NR4A3: variants seen among roughly 807,000 people sequenced by gnomAD.
The protein encoded by NR4A3 is chondrosarcoma, extraskeletal myxoid, fused to EWS.
In NR4A3, 13 loss-of-function variants were observed where a neutral mutation model predicts 55.6. The ratio of observed to expected loss-of-function variants is 0.23; its 90% confidence interval spans 0.15 to 0.37. The LOEUF (loss-of-function observed/expected upper bound fraction) is 0.37, where lower values mean the gene tolerates loss of function less well. NR4A3 is among the 10% of genes least tolerant of loss of function. The pLI is 1.00. For synonymous variants in NR4A3, 342 were observed against 357.9 expected (o/e 0.96, Z 0.50); for missense variants, 646 against 822.8 (o/e 0.79, Z 2.63).
rs752048561 is a variant in NR4A3, at chr9:99,866,449, G to C, written c.*2582G>C. On this transcript the variant is annotated 3_prime_UTR_variant, in exon 8 of 8. Coordinates refer to ENST00000395097, the MANE Select transcript of NR4A3 (RefSeq NM_006981.4). The stretch of plus-strand genomic sequence containing the variant: ...TGGAAGGAATGAAGAAGCTTTTTTA[G>C]TAATAGGTCCAGATATGAGTGCTAA... 19 of 226,272 alleles carry C rather than the reference G, an allele frequency of 8.4e-5. No homozygotes were observed. The highest frequency in any genetic ancestry group is 4.6e-4 in the Admixed American group (8 of 17,566). The allele number at this position is 226,272 out of a possible 1,614,324, so 14.0% of individuals were successfully genotyped here.
chr9:99,833,901 A>T (rs1827500078), intron 5 of NR4A3: 2 of 1,221,598 alleles, frequency 1.6e-6, no homozygotes, highest in Non-Finnish European at 2.1e-6. Flanking sequence ...CAGAGGGATT[A>T]GACCATTGGT....
chr9:99,838,293 C>T (rs1827595047), intron 5 of NR4A3, among the ~76,000 whole-genome samples: 1 of 152,144 alleles, frequency 6.6e-6, no homozygotes, highest in African/African-American at 2.4e-5. Flanking sequence ...TGCCACTTAA[C>T]GGAGTAACAG....
chr9:99,865,890 C>A lies in NR4A3; in HGVS notation c.*2023C>A, dbSNP rs1828089096. ...TTTGAAATGTTAGACTTGGAAGGGG[C>A]CTGGTCTGTCAACTAGTCCAACCCC... On this transcript the variant is annotated 3_prime_UTR_variant, in exon 8 of 8. Coordinates refer to ENST00000395097, the MANE Select transcript of NR4A3 (RefSeq NM_006981.4). This position sits in a 1 kb window ranked among gnomAD's most constrained non-coding sequence, Gnocchi z 4.3. The A allele has an allele frequency of 4.6e-6, 1 of 217,156 alleles. No individual in the cohort carries two copies. 13.5% of individuals were successfully genotyped at this position (217,156 alleles called of 1,614,324 possible).
At chr9:99,862,774 C>G (rs999004461) in intron 7 of NR4A3, among the ~76,000 whole-genome samples, 3 of 152,002 alleles carry the variant, frequency 2.0e-5, no homozygotes, top group Non-Finnish European at 2.9e-5. Flanking sequence ...TAAGATAGAT[C>G]ATAGTATTTA....
intron 1 of NR4A3, among the ~76,000 whole-genome samples, chr9:99,824,338 A>AGGGAATGCGGGAC (rs1391705522): frequency 6.6e-6 from 1 of 152,172 alleles, no homozygotes; most frequent in Non-Finnish European, 1.5e-5. Context: ...AAAGGCCCTC[A>AGGGAATGCGGGAC]GGGAATGCGG....
At chr9:99,848,741 A>C (rs558799204) in intron 7 of NR4A3, among the ~76,000 whole-genome samples, 8 of 152,352 alleles carry the variant, frequency 5.3e-5, no homozygotes, top group African/African-American at 1.7e-4. Context: ...GAGATAAAGG[A>C]TCCCAAGGTG....
At chr9:99,857,244 T>C (rs1264592172) in intron 7 of NR4A3, among the ~76,000 whole-genome samples, 2 of 152,096 alleles carry the variant, frequency 1.3e-5, no homozygotes. Flanking sequence ...ATAAGAGTGA[T>C]GTGAAAGGCT....
intron 5 of NR4A3, among the ~76,000 whole-genome samples, chr9:99,836,356 T>C (rs1827560396): frequency 6.6e-6 from 1 of 152,200 alleles, no homozygotes; most frequent in South Asian, 2.1e-4. Flanking sequence ...ACACTCAAAA[T>C]GAACCAACAA....
At chr9:99,857,395 T>G (rs189000144) in intron 7 of NR4A3, among the ~76,000 whole-genome samples, 1 of 152,310 alleles carries the variant, frequency 6.6e-6, no homozygotes, top group East Asian at 1.9e-4. Context: ...ATACTTGACA[T>G]GTATTAACTC....
chr9:99,848,082 C>T (rs1402471781), intron 7 of NR4A3, among the ~76,000 whole-genome samples: 1 of 152,150 alleles, frequency 6.6e-6, no homozygotes, highest in African/African-American at 2.4e-5. Context: ...TGTTTTGTAG[C>T]CCTGTTTCAC....
rs12349574 is a variant in NR4A3 at position 99,832,432 on chromosome 9, A to G, written c.952-257A>G. 6.2e-4 allele frequency among the ~76,000 whole-genome samples: 95 copies of G among 152,310 alleles called. No individual in the cohort carries two copies. In the Middle Eastern group the frequency reaches 0.01, roughly 16 times the overall value. On this transcript the variant is annotated intron_variant, in intron 3 of 7. Coordinates refer to ENST00000395097, the MANE Select transcript of NR4A3 (RefSeq NM_006981.4). ...CCAAGGTATGATATGTTGACCTGGTAATTTCAGATATGATTTTATCATTCA... is the reference window on the plus strand; with the variant it reads ...CCAAGGTATGATATGTTGACCTGGTGATTTCAGATATGATTTTATCATTCA...
At chr9:99,829,112 CT>C in intron 3 of NR4A3, 119 bp downstream of exon 3, 1 of 1,143,570 alleles carries the variant, frequency 8.7e-7, no homozygotes, top group Non-Finnish European at 1.1e-6. Flanking sequence ...GCACATCATG[CT>C]TTCCTACAGC....
At chr9:99,844,161 G>A (rs1242333906) in intron 5 of NR4A3, among the ~76,000 whole-genome samples, 1 of 152,196 alleles carries the variant, frequency 6.6e-6, no homozygotes, top group Non-Finnish European at 1.5e-5. Flanking sequence ...CATCTCATGG[G>A]GAGACAGCTG....
In NR4A3 at chr9:99,828,661, G is replaced by T. The variant is rs1172570243; in HGVS notation, c.619G>T (p.Gly207Cys). 1 of 1,418,012 alleles carries T rather than the reference G, an allele frequency of 7.1e-7. No individual in the cohort carries two copies. Among genetic ancestry groups the T allele is most frequent in the Admixed American group, 3.1e-5 (1 of 32,616 alleles). 87.8% of individuals were successfully genotyped at this position (1,418,012 alleles called of 1,614,324 possible). Reference sequence around the variant, plus strand: ...GCATCCCCCCGCGCCCAGCCCGGCCGGCGGCCACCACCTCGGCTACGACCC... The same window carrying T: ...GCATCCCCCCGCGCCCAGCCCGGCCTGCGGCCACCACCTCGGCTACGACCC... The part of the protein sequence containing the change: ...PPHPPAPSPA[G>C]GHHLGYDPTA... The change falls in exon 3 of 8, where the codon GGC (glycine) becomes TGC (cysteine). Residue 207 changes from glycine to cysteine, a missense_variant. Coordinates refer to ENST00000395097, the MANE Select transcript of NR4A3 (RefSeq NM_006981.4). The surrounding 1 kb of genome is among the most constrained non-coding windows in gnomAD (Gnocchi z 7.7).
intron 5 of NR4A3, among the ~76,000 whole-genome samples, chr9:99,834,238 A>T (rs917654170): frequency 1.3e-5 from 2 of 152,256 alleles, no homozygotes; most frequent in African/African-American, 4.8e-5. Context: ...AAATTTGGAT[A>T]ACACAGAGAA....
chr9:99,849,520 A>G (rs1827813356), intron 7 of NR4A3, among the ~76,000 whole-genome samples: 1 of 152,236 alleles, frequency 6.6e-6, no homozygotes, highest in South Asian at 2.1e-4. Context: ...ATATTACTTC[A>G]TCAGGACTGG....
chr9:99,863,612 C>T lies in NR4A3; in HGVS notation c.1634-8C>T. 1 of 1,612,244 alleles carries T rather than the reference C, an allele frequency of 6.2e-7. No homozygotes were observed. Among genetic ancestry groups the T allele is most frequent in the Non-Finnish European group, 8.5e-7 (1 of 1,179,262 alleles). On this transcript the variant is annotated splice_polypyrimidine_tract_variant and splice_region_variant and intron_variant, in intron 7 of 7. Coordinates refer to ENST00000395097, the MANE Select transcript of NR4A3 (RefSeq NM_006981.4). Reference sequence around the variant, plus strand: ...CTAAACTTCTTGCCCTTCTCTATCCCTCTGCAGAAAGACATGGGTTAAAAG... The same window carrying T: ...CTAAACTTCTTGCCCTTCTCTATCCTTCTGCAGAAAGACATGGGTTAAAAG...
At position 99,863,944 on chromosome 9, in the gene NR4A3, C is replaced by G; in HGVS notation, c.*77C>G. The G allele has an allele frequency of 6.8e-7, 1 of 1,467,932 alleles. No homozygotes were observed. Among genetic ancestry groups the G allele is most frequent in the Non-Finnish European group, 9.2e-7 (1 of 1,091,002 alleles). The allele number at this position is 1,467,932 out of a possible 1,614,324, so 90.9% of individuals were successfully genotyped here. The stretch of plus-strand genomic sequence containing the variant: ...CGCAGCAAAGGGATAGGTTTGGAAA[C>G]CTATCATTTCCTGTCCTTCCTTAAG... On this transcript the variant is annotated 3_prime_UTR_variant, in exon 8 of 8. Transcript: ENST00000395097.
rs529538777 is a variant in NR4A3, at chr9:99,828,200, C to A, written c.158C>A (p.Thr53Lys). ...GSTEITATAT[T>K]SLPSISTFVE... Reference sequence around the variant, plus strand: ...ACTGAGATCACGGCTACAGCCACCACGTCCCTGCCCAGCATCAGTACCTTC... The same window carrying A: ...ACTGAGATCACGGCTACAGCCACCAAGTCCCTGCCCAGCATCAGTACCTTC... The change falls in exon 3 of 8, where the codon ACG becomes AAG. Residue 53 changes from threonine (T) to lysine (K), a missense_variant. By Grantham distance (78) the Thr-to-Lys change is moderately conservative. This residue lies in a region of NR4A3 where 426 missense variants were observed against 429.4 expected (regional missense o/e 0.99). Coordinates refer to ENST00000395097, the MANE Select transcript of NR4A3 (RefSeq NM_006981.4). The surrounding 1 kb of genome is among the most constrained non-coding windows in gnomAD (Gnocchi z 7.7). 6.2e-7 allele frequency: 1 copy of A among 1,614,108 alleles called. No individual in the cohort carries two copies. Among genetic ancestry groups the A allele is most frequent in the South Asian group, 1.1e-5 (1 of 91,078 alleles).
Sources: allele counts gnomAD v4.1 joint callset (sites outside exome capture counted in the v4.1 genomes callset), GRCh38; gene constraint gnomAD v4.1.1; regional missense constraint gnomAD v4.1.1; non-coding constraint Gnocchi (gnomAD v3.1); transcripts MANE v1.5; gene names NCBI Gene and HGNC (gene_info 2026-07-23, HGNC 2026-07-21).